The following NBPF8 variants were observed in gnomAD, a reference collection of about 807,000 sequenced individuals.
NBPF8 encodes the protein NBPF member 8.
At chr1:120,465,818 C>A (rs1268651223) in intron 24 of NBPF8, among the ~76,000 whole-genome samples, 160 bp from the exon 23 acceptor site, 1 of 152,222 alleles carries the variant, frequency 6.6e-6, no homozygotes, top group Non-Finnish European at 1.5e-5. Flanking sequence ...TCTACCTGGC[C>A]CTGTTCTATC....
chr1:120,415,370 C>T (rs1242162884), upstream of NBPF8, among the ~76,000 whole-genome samples: 22 of 145,024 alleles, frequency 1.5e-4, no homozygotes, highest in African/African-American at 5.4e-4. Context: ...TTGTTGCGAG[C>T]GACGGAGGGC....
chr1:120,428,583 C>T (rs1660786204), intron 3 of NBPF8, among the ~76,000 whole-genome samples: 1 of 152,134 alleles, frequency 6.6e-6, no homozygotes, highest in African/African-American at 2.4e-5. Flanking sequence ...GGTGAAGAAG[C>T]ATCTTGCAGA....
chr1:120,450,308 G>T (rs1462846159), intron 11 of NBPF8, among the ~76,000 whole-genome samples: 1 of 151,880 alleles, frequency 6.6e-6, no homozygotes, highest in African/African-American at 2.4e-5. Flanking sequence ...TGCTTCCTGG[G>T]GCACAGAGTC....
intron 23 of NBPF8, among the ~76,000 whole-genome samples, chr1:120,464,977 TTTAAG>T: frequency 2.1e-5 from 1 of 47,036 alleles, no homozygotes; most frequent in African/African-American, 7.7e-5. Context: ...GGGTATTTGC[TTTAAG>T]TTGATTGGAA....
chr1:120,449,663 C>T (rs1189866922), intron 11 of NBPF8, among the ~76,000 whole-genome samples: 123 of 133,646 alleles, frequency 9.2e-4, no homozygotes, highest in Middle Eastern at 4.4e-3. Flanking sequence ...CACAGAATGA[C>T]CTGTTTTCTC....
chr1:120,425,046 G>T (rs1260180045), intron 1 of NBPF8, among the ~76,000 whole-genome samples: 1 of 146,122 alleles, frequency 6.8e-6, no homozygotes. Flanking sequence ...ACTACACTGC[G>T]GAAGACTGCA....
At chr1:120,467,774 T>TTATAA (rs1478724914), downstream of NBPF8, 5 of 152,232 alleles carry the variant, frequency 3.3e-5, no homozygotes, top group Admixed American at 1.3e-4. Context: ...ACATTCAGTG[T>TTATAA]TATAATATTT....
chr1:120,449,924 C>T (rs1556606516), intron 11 of NBPF8, among the ~76,000 whole-genome samples: 2 of 152,104 alleles, frequency 1.3e-5, no homozygotes, highest in African/African-American at 4.8e-5. Context: ...CTATAAGTGA[C>T]AGCATCAAGA....
intron 15 of NBPF8, among the ~76,000 whole-genome samples, chr1:120,454,512 G>C (rs1661378627): frequency 6.6e-6 from 1 of 152,044 alleles, no homozygotes; most frequent in African/African-American, 2.4e-5. Flanking sequence ...TTGTTCCCCA[G>C]GCTTCACTGC....
At position 120,430,542 on chromosome 1, in the gene NBPF8, C is replaced by A. The variant is rs1365584279; in HGVS notation, n.510+2695C>A. Among the ~76,000 whole-genome samples, 115 of 124,548 alleles carry A rather than the reference C, an allele frequency of 9.2e-4. 2 individuals carry two copies. The Middle Eastern group carries it at 0.022, about 24-fold the overall frequency. The allele number at this position is 124,548 out of a possible 152,430, so 81.7% of individuals were successfully genotyped here. A position where few individuals can be genotyped will look rare whatever the true frequency, so the allele number is the denominator to read the frequency against. ...GGCCGAGGTGGGCAGATCATGAGGT[C>A]AGGAGATGGAGACCATCATGCCTAA... On this transcript the variant is annotated intron_variant and non_coding_transcript_variant, in intron 3 of 28. Transcript: ENST00000652355.
At chr1:120,467,926 C>G (rs1661786018), downstream of NBPF8, among the ~76,000 whole-genome samples, 2 of 151,340 alleles carry the variant, frequency 1.3e-5, no homozygotes, top group African/African-American at 4.9e-5. Flanking sequence ...TGGTTCTAGT[C>G]ATTTGTATTC....
At chr1:120,416,887 T>C (rs1281972885), upstream of NBPF8, among the ~76,000 whole-genome samples, 3 of 146,194 alleles carry the variant, frequency 2.1e-5, no homozygotes, top group Admixed American at 6.9e-5. Flanking sequence ...CAGTAATGTA[T>C]CAGTGTGATT....
downstream of NBPF8, among the ~76,000 whole-genome samples, chr1:120,469,000 G>A (rs1416105780): frequency 6.0e-4 from 91 of 152,008 alleles, no homozygotes; most frequent in Non-Finnish European, 1.2e-3. Flanking sequence ...CGGCTCTGAA[G>A]TGTATGTTGA....
At chr1:120,434,211 A>G (rs1660998866), upstream of NBPF8, among the ~76,000 whole-genome samples, 1 of 148,962 alleles carries the variant, frequency 6.7e-6, no homozygotes, top group South Asian at 2.1e-4. Context: ...TCGCTCCGCC[A>G]CTTAAAAAAG....
intron 3 of NBPF8, among the ~76,000 whole-genome samples, chr1:120,431,252 CGT>C (rs1173094212): frequency 0.47 from 58,643 of 124,884 alleles, 14,381 homozygotes; most frequent in East Asian, 0.56. Flanking sequence ...CACACACAAA[CGT>C]GTGTGTGTGT....
chr1:120,465,006 CTGTT>C (rs1348893388), intron 23 of NBPF8, among the ~76,000 whole-genome samples: 1 of 61,176 alleles, frequency 1.6e-5, no homozygotes, highest in Admixed American at 1.6e-4. Context: ...TATGGCATAA[CTGTT>C]TGCACAAACT....
At chr1:120,459,841 T>A (rs1476922761) in intron 17 of NBPF8, among the ~76,000 whole-genome samples, 115 of 152,076 alleles carry the variant, frequency 7.6e-4, no homozygotes, top group African/African-American at 2.2e-3. Flanking sequence ...AGGAGTTGTC[T>A]GTCAGCTCAG....
chr1:120,431,816 G>C (rs1259141833), upstream of NBPF8, among the ~76,000 whole-genome samples: 5 of 150,976 alleles, frequency 3.3e-5, no homozygotes, highest in African/African-American at 1.2e-4. Context: ...TGTGTTTCCA[G>C]ACCAACCTGA....
chr1:120,425,156 C>A (rs1435673971), intron 1 of NBPF8, among the ~76,000 whole-genome samples: 3 of 152,192 alleles, frequency 2.0e-5, no homozygotes, highest in African/African-American at 7.2e-5. Flanking sequence ...GACTGTCCCC[C>A]AGCCAGACAC....
Sources: allele counts gnomAD v4.1 joint callset (sites outside exome capture counted in the v4.1 genomes callset), GRCh38; gene constraint gnomAD v4.1.1; transcripts MANE v1.5; gene names NCBI Gene and HGNC (gene_info 2026-07-23, HGNC 2026-07-21).